Variants in LTBP1 observed in about 807,000 individuals in gnomAD.
The protein encoded by LTBP1 is latent transforming growth factor beta binding protein 1, also known as latent-transforming growth factor beta-binding protein 1.
In LTBP1, 129 loss-of-function variants were observed where a neutral mutation model predicts 207.6. The observed-to-expected ratio is 0.62, with a 90% CI of 0.54 to 0.72. LTBP1 has a LOEUF of 0.72. Among genes scored for constraint, LTBP1 ranks in the 30% least tolerant of loss-of-function variants. LTBP1 has a pLI of 0.00. For synonymous variants in LTBP1, 963 were observed against 833.7 expected (o/e 1.16, Z -2.67); for missense variants, 2,281 against 2,217.2 (o/e 1.03, Z -0.58).
At chr2:33,103,315 C>T (rs2079849016) in intron 3 of LTBP1, among the ~76,000 whole-genome samples, 1 of 149,552 alleles carries the variant, frequency 6.7e-6, no homozygotes, top group Non-Finnish European at 1.5e-5. Context: ...GTTGTATACA[C>T]AGTCTTTATG....
chr2:33,220,410 G>A (rs1375803691), intron 8 of LTBP1, among the ~76,000 whole-genome samples: 2 of 152,000 alleles, frequency 1.3e-5, no homozygotes, highest in African/African-American at 4.8e-5. Context: ...TTTTTGTTTA[G>A]CCACATACAG....
chr2:32,965,165 G>A (rs1441880818), intron 2 of LTBP1, among the ~76,000 whole-genome samples: 2 of 152,144 alleles, frequency 1.3e-5, no homozygotes, highest in East Asian at 3.8e-4. Flanking sequence ...GTGGACAGTG[G>A]AGTTATTAAA....
intron 3 of LTBP1, among the ~76,000 whole-genome samples, chr2:33,092,201 A>G (rs2079137341): frequency 1.3e-5 from 2 of 152,128 alleles, no homozygotes; most frequent in Admixed American, 1.3e-4. Flanking sequence ...ACACGCGCAC[A>G]CACACACACA....
At chr2:33,018,694 G>A (rs1688731056) in intron 2 of LTBP1, among the ~76,000 whole-genome samples, 1 of 152,168 alleles carries the variant, frequency 6.6e-6, no homozygotes, top group South Asian at 2.1e-4. Flanking sequence ...TAGAAACACA[G>A]AGCTTTTGAA....
At chr2:33,196,805 A>G (rs1415760150) in intron 7 of LTBP1, among the ~76,000 whole-genome samples, 2 of 152,216 alleles carry the variant, frequency 1.3e-5, no homozygotes, top group East Asian at 1.9e-4. Flanking sequence ...ACTCTTAATT[A>G]TCAGTCAAGG....
intron 5 of LTBP1, among the ~76,000 whole-genome samples, chr2:33,166,020 T>C (rs1280880022): frequency 6.6e-6 from 1 of 151,944 alleles, no homozygotes; most frequent in Non-Finnish European, 1.5e-5. Flanking sequence ...TCTTCCATCA[T>C]AGCCTAACTT....
intron 22 of LTBP1, among the ~76,000 whole-genome samples, chr2:33,307,312 T>C (rs998041338): frequency 4.6e-5 from 7 of 152,222 alleles, no homozygotes; most frequent in Admixed American, 4.6e-4. Flanking sequence ...AATCATATGT[T>C]CACACAAAGA....
At chr2:33,027,977 G>T (rs1470935979) in intron 3 of LTBP1, among the ~76,000 whole-genome samples, 1 of 152,190 alleles carries the variant, frequency 6.6e-6, no homozygotes, top group African/African-American at 2.4e-5. Context: ...TTAGCTATTG[G>T]TCAGACCTAT....
chr2:33,104,903 C>T (rs539406042), intron 3 of LTBP1, among the ~76,000 whole-genome samples: 1 of 152,220 alleles, frequency 6.6e-6, no homozygotes, highest in South Asian at 2.1e-4. Flanking sequence ...CTTACTTTTC[C>T]CCTCGGCTTT....
chr2:33,061,216 C>A (rs1183399995), intron 3 of LTBP1, among the ~76,000 whole-genome samples: 2 of 152,062 alleles, frequency 1.3e-5, no homozygotes, highest in Non-Finnish European at 2.9e-5. Flanking sequence ...CATTAATACA[C>A]CCTATTTTCT....
At chr2:33,328,368 G>T (rs908886367) in intron 24 of LTBP1, among the ~76,000 whole-genome samples, 1 of 151,990 alleles carries the variant, frequency 6.6e-6, no homozygotes, top group South Asian at 2.1e-4. Flanking sequence ...CGTTCTGCCT[G>T]GTGTATTAGT....
intron 3 of LTBP1, among the ~76,000 whole-genome samples, chr2:33,054,002 T>C (rs1261870501): frequency 1.3e-5 from 2 of 152,114 alleles, no homozygotes; most frequent in South Asian, 2.1e-4. Context: ...TCCACATAAG[T>C]TGGGACGTGT....
At chr2:33,245,465 A>G (rs1171232219) in intron 10 of LTBP1, among the ~76,000 whole-genome samples, 1 of 152,224 alleles carries the variant, frequency 6.6e-6, no homozygotes, top group Admixed American at 6.5e-5. Flanking sequence ...TCCTTTAAAA[A>G]CTGTCAACTG....
intron 7 of LTBP1, among the ~76,000 whole-genome samples, chr2:33,201,555 C>G (rs1024379867): frequency 6.6e-6 from 1 of 151,536 alleles, no homozygotes; most frequent in African/African-American, 2.4e-5. Flanking sequence ...GTGCAGCACA[C>G]CAGCATGGCA....
chr2:33,203,090 T>C (rs146653461), intron 7 of LTBP1, among the ~76,000 whole-genome samples: 1 of 151,320 alleles, frequency 6.6e-6, no homozygotes, highest in African/African-American at 2.4e-5. Flanking sequence ...GGCTCTAAAA[T>C]GGCTGCTCTC....
At chr2:32,965,290 C>G (rs1205324767) in intron 2 of LTBP1, among the ~76,000 whole-genome samples, 1 of 152,152 alleles carries the variant, frequency 6.6e-6, no homozygotes, top group African/African-American at 2.4e-5. Flanking sequence ...CTCCCACCAT[C>G]AAAATCCTGT....
In LTBP1 at chr2:33,355,389, G is replaced by A. The variant is rs187385456; in HGVS notation, c.4001-5208G>A. ...ACACGGCGTAGTATTTACATATAAC[G>A]TATGCACATCCTCCTGTATACATTG... On this transcript the variant is annotated intron_variant, in intron 26 of 33. Transcript: ENST00000404816. Among the ~76,000 whole-genome samples the A allele has an allele frequency of 9.3e-4, 141 of 152,076 alleles. 1 individual carries two copies. The South Asian group carries it at 0.01, about 11-fold the overall frequency.
chr2:33,392,321 G>C (rs566667988), intron 32 of LTBP1, among the ~76,000 whole-genome samples: 72 of 151,862 alleles, frequency 4.7e-4, no homozygotes, highest in African/African-American at 1.7e-3. Context: ...AGTAGCCCTG[G>C]GATTATAGGC....
intron 5 of LTBP1, among the ~76,000 whole-genome samples, chr2:33,179,228 G>A (rs1299302005): frequency 6.6e-6 from 1 of 152,110 alleles, no homozygotes; most frequent in Non-Finnish European, 1.5e-5. Flanking sequence ...GCTATCATAA[G>A]TGTTAGTGTA....
Sources: gnomAD v4.1 joint callset for allele counts (sites outside exome capture counted in the v4.1 genomes callset) on GRCh38, gnomAD v4.1.1 for gene constraint, MANE v1.5 for transcripts, NCBI Gene and HGNC (gene_info 2026-07-23, HGNC 2026-07-21) for gene names.